CELF2: variants seen among roughly 807,000 people sequenced by gnomAD.
CELF2 encodes the protein CUGBP Elav-like family member 2, also known as CUG triplet repeat RNA-binding protein 2.
CELF2 carries 8 observed loss-of-function variants against 62.6 expected under a neutral mutation model. The observed-to-expected ratio is 0.13, with a 90% CI of 0.07 to 0.23. The LOEUF (loss-of-function observed/expected upper bound fraction) is 0.23. CELF2 is among the 10% of genes least tolerant of loss of function. The probability of loss-of-function intolerance (pLI) is 1.00; values close to 1 mark genes in which losing one functional copy is unlikely to be tolerated. For missense variants in CELF2, 333 were observed against 671.0 expected (o/e 0.50, Z 5.56); for synonymous variants, 258 against 250.0 (o/e 1.03, Z -0.30).
chr10:11,252,148 T>G (rs2077339094), intron 4 of CELF2, among the ~76,000 whole-genome samples: 2 of 152,226 alleles, frequency 1.3e-5, no homozygotes, highest in Admixed American at 1.3e-4. Flanking sequence ...TCTTTGGACC[T>G]GATGGAGGAA....
intron 1 of CELF2, among the ~76,000 whole-genome samples, chr10:11,142,598 G>A (rs887078519): frequency 2.6e-5 from 4 of 151,080 alleles, no homozygotes; most frequent in African/African-American, 7.3e-5. Context: ...GCAGGAGAAT[G>A]GCGTGAACCC....
Position 10,995,878 on chromosome 10 carries a change from T to C in CELF2, c.89+75879T>C, listed in dbSNP as rs1224878148. On this transcript the variant is annotated intron_variant, in intron 2 of 13. Transcript: ENST00000636488. This position sits in a 1 kb window ranked among gnomAD's most constrained non-coding sequence, Gnocchi z 4.7. The stretch of plus-strand genomic sequence containing the variant: ...ACTCATGGGCATTCTAGTTTCTATA[T>C]ATTTATGTTCATCAAATTATGCATT... Among the ~76,000 whole-genome samples the C allele has an allele frequency of 1.3e-5, 2 of 152,206 alleles. No homozygotes were observed. The highest frequency in any genetic ancestry group is 2.1e-4 in the South Asian group (1 of 4,826).
rs1444587589 is a variant in CELF2, at chr10:11,315,013, C to A, written c.1096+755C>A. Among the ~76,000 whole-genome samples, 1 of 151,994 alleles carries A rather than the reference C, an allele frequency of 6.6e-6. No homozygotes were observed. The highest frequency in any genetic ancestry group is 1.5e-5 in the Non-Finnish European group (1 of 68,010). On this transcript the variant is annotated intron_variant, in intron 10 of 12. Transcript: ENST00000633077. This position sits in a 1 kb window ranked among gnomAD's most constrained non-coding sequence, Gnocchi z 5.8. ...GTTCCGAAACATATGGATGGACTCA[C>A]CAGAGAACTGCAGGTTCTGTCCTCC...
the CELF2 span, among the ~76,000 whole-genome samples, chr10:10,566,321 G>T: frequency 4.0e-5 from 6 of 151,458 alleles, no homozygotes; most frequent in African/African-American, 1.5e-4. Flanking sequence ...AAAAAAAATA[G>T]TGTCCCAGTT....
In CELF2 at chr10:10,931,060, A is replaced by C. The variant is rs748765524; in HGVS notation, c.89+11061A>C. 3.3e-5 allele frequency among the ~76,000 whole-genome samples: 5 copies of C among 152,210 alleles called. No individual in the cohort carries two copies. The highest frequency in any genetic ancestry group is 7.3e-5 in the Non-Finnish European group (5 of 68,038). ...GCTACCAAGAACACATAAATTAATA[A>C]AATTTATTCCCATGTATACATAGAT... On this transcript the variant is annotated intron_variant, in intron 2 of 13. Coordinates refer to the CELF2 transcript ENST00000636488. The surrounding 1 kb of genome is among the most constrained non-coding windows in gnomAD (Gnocchi z 6.1).
At chr10:10,865,141 A>C (rs2060276946) in intron 1 of CELF2, among the ~76,000 whole-genome samples, 1 of 152,198 alleles carries the variant, frequency 6.6e-6, no homozygotes, top group Admixed American at 6.5e-5. Context: ...ACCATTAAAC[A>C]GAATTCACCA....
intron 5 of CELF2, among the ~76,000 whole-genome samples, chr10:11,259,418 G>A (rs1441390468): frequency 1.4e-5 from 2 of 141,212 alleles, no homozygotes; most frequent in Non-Finnish European, 3.1e-5. Flanking sequence ...TGTTTTCTTC[G>A]GAAGGTGGTT....
At chr10:11,108,645 T>C (rs531648950) in intron 1 of CELF2, among the ~76,000 whole-genome samples, 25 of 152,294 alleles carry the variant, frequency 1.6e-4, no homozygotes, top group African/African-American at 6.0e-4. Flanking sequence ...GGAGATCCTT[T>C]CTGGGATGAC....
intron 5 of CELF2, among the ~76,000 whole-genome samples, chr10:11,259,429 TAA>T (rs11404486): frequency 0.081 from 11,158 of 137,478 alleles, 525 homozygotes; most frequent in Non-Finnish European, 0.11. Context: ...GAAGGTGGTT[TAA>T]AAAAAAAAAA....
chr10:10,529,513 A>AC, the CELF2 span, among the ~76,000 whole-genome samples: 2 of 151,828 alleles, frequency 1.3e-5, no homozygotes, highest in Non-Finnish European at 2.9e-5. Context: ...GGGGAACCCC[A>AC]CCTCTACTAA....
the CELF2 span, among the ~76,000 whole-genome samples, chr10:10,483,470 G>C: frequency 6.6e-6 from 1 of 152,154 alleles, no homozygotes; most frequent in South Asian, 2.1e-4. Flanking sequence ...GTAAATTGAG[G>C]AATGCACAAA....
In CELF2 at chr10:11,214,777, C is replaced by A. The variant is rs2062864107; in HGVS notation, c.272-2648C>A. Among the ~76,000 whole-genome samples the A allele has an allele frequency of 6.6e-6, 1 of 152,166 alleles. No homozygotes were observed. The stretch of plus-strand genomic sequence containing the variant: ...TGTTTAGATGAGTGTACACTTTTAA[C>A]TGAAACACTTAAGAACTATGCATAG... On this transcript the variant is annotated intron_variant, in intron 2 of 12. Coordinates refer to ENST00000633077, the MANE Select transcript of CELF2 (RefSeq NM_001326342.2). The surrounding 1 kb of genome is among the most constrained non-coding windows in gnomAD (Gnocchi z 4.2).
chr10:11,105,144 C>T (rs929436121), intron 1 of CELF2, among the ~76,000 whole-genome samples: 1 of 152,202 alleles, frequency 6.6e-6, no homozygotes, highest in African/African-American at 2.4e-5. Flanking sequence ...CCAGATTAGA[C>T]AGTACCTCAT....
intron 1 of CELF2, among the ~76,000 whole-genome samples, chr10:11,095,350 G>A (rs1007007271): frequency 2.0e-5 from 3 of 152,112 alleles, no homozygotes; most frequent in Non-Finnish European, 4.4e-5. Flanking sequence ...GGTTGTGTGC[G>A]GCATCATCCC....
At chr10:10,903,534 T>G (rs2063100595) in intron 1 of CELF2, among the ~76,000 whole-genome samples, 1 of 152,222 alleles carries the variant, frequency 6.6e-6, no homozygotes, top group Non-Finnish European at 1.5e-5. Context: ...AGGGCCACTT[T>G]AAGTAAGAAA....
At chr10:10,682,442 T>G in the CELF2 span, among the ~76,000 whole-genome samples, 1 of 152,192 alleles carries the variant, frequency 6.6e-6, no homozygotes, top group South Asian at 2.1e-4. Context: ...TACTTCTATT[T>G]TCTTCATATT....
In CELF2 at chr10:11,047,725, T is replaced by C. The variant is rs536627849; in HGVS notation, c.74+29562T>C. 2.6e-5 allele frequency among the ~76,000 whole-genome samples: 4 copies of C among 152,350 alleles called. No homozygotes were observed. In the East Asian group the frequency reaches 7.7e-4, roughly 29 times the overall value. ...TGAGATCTTGTTTATTCAGTAGTTC[T>C]CTCACTACTGAAGACCTCAGTGCCT... On this transcript the variant is annotated intron_variant, in intron 1 of 12. Coordinates refer to ENST00000633077, the MANE Select transcript of CELF2 (RefSeq NM_001326342.2).
At chr10:10,907,390 T>G (rs2063436238) in intron 1 of CELF2, among the ~76,000 whole-genome samples, 2 of 152,238 alleles carry the variant, frequency 1.3e-5, no homozygotes, top group African/African-American at 2.4e-5. Context: ...AATTATATTC[T>G]TCACCTTTTA....
the CELF2 span, among the ~76,000 whole-genome samples, chr10:10,618,722 C>T: frequency 1.2e-4 from 19 of 152,038 alleles, no homozygotes; most frequent in South Asian, 6.2e-4. Flanking sequence ...CGTTGCCTCA[C>T]GCCAAGGAAA....
Sources: gnomAD v4.1 joint callset for allele counts (sites outside exome capture counted in the v4.1 genomes callset) on GRCh38, gnomAD v4.1.1 for gene constraint, Gnocchi (gnomAD v3.1) non-coding constraint, MANE v1.5 for transcripts, NCBI Gene and HGNC (gene_info 2026-07-23, HGNC 2026-07-21) for gene names.